Variants in KIAA0825 observed in about 807,000 individuals in gnomAD.
KIAA0825 encodes the protein uncharacterized protein KIAA0825.
Under a neutral mutation model 147.6 loss-of-function variants are expected in KIAA0825, and 119 were observed. The observed-to-expected ratio is 0.81, with a 90% confidence interval of 0.69 to 0.94. The LOEUF (loss-of-function observed/expected upper bound fraction) is 0.94, where lower values mean the gene tolerates loss of function less well. Ranked by LOEUF, KIAA0825 falls within the 40% of genes least tolerant of loss-of-function variation. The probability of loss-of-function intolerance (pLI) is 0.00; values close to 1 mark genes in which losing one functional copy is unlikely to be tolerated. For missense variants in KIAA0825, 1,381 were observed against 1,472.7 expected, an observed-to-expected ratio of 0.94 and a Z score of 1.02; for synonymous variants, 470 against 518.1, an observed-to-expected ratio of 0.91 and a Z score of 1.26.
chr5:94,413,205 C>T (rs535410845), intron 15 of KIAA0825: 2 of 152,272 alleles, frequency 1.3e-5, no homozygotes, highest in South Asian at 2.1e-4. Flanking sequence ...CCACTTTGGC[C>T]TCCCAAAGTG....
chr5:94,526,636 A>G (rs976533577), intron 3 of KIAA0825, among the ~76,000 whole-genome samples: 1 of 151,978 alleles, frequency 6.6e-6, no homozygotes, highest in Non-Finnish European at 1.5e-5. Context: ...TAAAAAAAAG[A>G]TATCTATGGT....
intron 20 of KIAA0825, among the ~76,000 whole-genome samples, chr5:94,288,462 C>T (rs1777749898): frequency 6.6e-6 from 1 of 152,090 alleles, no homozygotes; most frequent in African/African-American, 2.4e-5. Context: ...ACAGGCTGAA[C>T]AACATAGACA....
chr5:94,211,971 G>GAT (rs1772751006), intron 20 of KIAA0825, among the ~76,000 whole-genome samples: 1 of 152,178 alleles, frequency 6.6e-6, no homozygotes, highest in Admixed American at 6.5e-5. Flanking sequence ...GAGATTATCT[G>GAT]ATATATATGA....
intron 20 of KIAA0825, among the ~76,000 whole-genome samples, chr5:94,206,561 G>A (rs1054105356): frequency 2.6e-5 from 4 of 152,050 alleles, no homozygotes; most frequent in African/African-American, 7.2e-5. Context: ...TGTGCTCTGT[G>A]GGTTTTTCAA....
intron 20 of KIAA0825, among the ~76,000 whole-genome samples, chr5:94,256,118 T>C (rs13182291): frequency 0.3 from 46,323 of 151,880 alleles, 7,238 homozygotes; most frequent in South Asian, 0.42. Context: ...TCAAGGACCA[T>C]TGGGGTTGCT....
At chr5:94,313,289 G>A (rs1041668997) in intron 20 of KIAA0825, among the ~76,000 whole-genome samples, 1 of 151,612 alleles carries the variant, frequency 6.6e-6, no homozygotes, top group Admixed American at 6.6e-5. Flanking sequence ...TGCTTTCAGA[G>A]CTACATCTTA....
At chr5:94,543,988 G>A (rs1187370610) in intron 2 of KIAA0825, among the ~76,000 whole-genome samples, 1 of 152,142 alleles carries the variant, frequency 6.6e-6, no homozygotes, top group Non-Finnish European at 1.5e-5. Context: ...CAGCCCACGG[G>A]TCTGCTCTGT....
intron 20 of KIAA0825, among the ~76,000 whole-genome samples, chr5:94,220,673 A>G (rs1249044511): frequency 6.6e-6 from 1 of 151,652 alleles, no homozygotes; most frequent in Non-Finnish European, 1.5e-5. Flanking sequence ...TATGCTGTTA[A>G]TTGTTTACTG....
rs1277874295 is a variant in KIAA0825, at chr5:94,520,747, G to C, written c.471C>G (p.Val157=). The change falls in exon 5 of 21, where the codon GTC becomes GTG. Residue 157 remains valine, a synonymous_variant. Coordinates refer to ENST00000682413, the MANE Select transcript of KIAA0825 (RefSeq NM_001145678.3). ...HSVEDNSSMD[V]KSMWDDIRLH... ...GTCTTATATCATCCCACATAGACTTGACATCCATAGAGGAATTATCTTCAA... is the reference window on the plus strand; with the variant it reads ...GTCTTATATCATCCCACATAGACTTCACATCCATAGAGGAATTATCTTCAA... 6.2e-7 allele frequency: 1 copy of C among 1,613,298 alleles called. No individual in the cohort carries two copies. The highest frequency in any genetic ancestry group is 8.5e-7 in the Non-Finnish European group (1 of 1,179,418).
intron 20 of KIAA0825, among the ~76,000 whole-genome samples, chr5:94,301,346 AGT>A (rs1210070848): frequency 6.6e-6 from 1 of 151,436 alleles, no homozygotes; most frequent in Admixed American, 6.6e-5. Flanking sequence ...GAAAGTAATG[AGT>A]GTGAAAATTA....
chr5:94,519,751 A>C, intron 5 of KIAA0825: 1 of 826,044 alleles, frequency 1.2e-6, no homozygotes, highest in Non-Finnish European at 1.5e-6. Context: ...ACAAATTTTC[A>C]AAAATTCTTT....
At chr5:94,226,941 T>G (rs1467863321) in intron 20 of KIAA0825, among the ~76,000 whole-genome samples, 1 of 152,192 alleles carries the variant, frequency 6.6e-6, no homozygotes, top group African/African-American at 2.4e-5. Flanking sequence ...ACTTTTACAT[T>G]GTTGGTGGGA....
intron 6 of KIAA0825, among the ~76,000 whole-genome samples, chr5:94,483,876 T>G (rs1368663881): frequency 1.3e-5 from 2 of 151,646 alleles, no homozygotes; most frequent in Non-Finnish European, 3.0e-5. Flanking sequence ...GGGGATTAAA[T>G]TTTTCAGACT....
chr5:94,280,035 C>T (rs1479181305), intron 20 of KIAA0825, among the ~76,000 whole-genome samples: 2 of 152,056 alleles, frequency 1.3e-5, no homozygotes, highest in East Asian at 3.9e-4. Context: ...TCAGTCGGCA[C>T]AGCCACACTC....
At chr5:94,237,971 T>A (rs1428100583) in intron 20 of KIAA0825, among the ~76,000 whole-genome samples, 1 of 152,156 alleles carries the variant, frequency 6.6e-6, no homozygotes, top group Non-Finnish European at 1.5e-5. Flanking sequence ...TGTCTGAAAC[T>A]CATGAAAAGT....
intron 20 of KIAA0825, among the ~76,000 whole-genome samples, chr5:94,326,198 A>T (rs1780678236): frequency 6.6e-6 from 1 of 152,138 alleles, no homozygotes; most frequent in Non-Finnish European, 1.5e-5. Context: ...GTTCTGTCTC[A>T]ATAAAAAATC....
intron 20 of KIAA0825, among the ~76,000 whole-genome samples, chr5:94,292,354 A>G (rs1407710881): frequency 6.6e-6 from 1 of 151,404 alleles, no homozygotes; most frequent in Non-Finnish European, 1.5e-5. Context: ...TTTCTGCATC[A>G]TTGAGATAAT....
At chr5:94,536,736 A>C (rs1772104062) in intron 3 of KIAA0825, among the ~76,000 whole-genome samples, 1 of 152,236 alleles carries the variant, frequency 6.6e-6, no homozygotes, top group Non-Finnish European at 1.5e-5. Flanking sequence ...ACAAGCTCTA[A>C]GAAAACATTA....
intron 20 of KIAA0825, among the ~76,000 whole-genome samples, chr5:94,380,199 A>G (rs954369959): frequency 1.3e-5 from 2 of 152,174 alleles, no homozygotes; most frequent in Non-Finnish European, 2.9e-5. Flanking sequence ...TTTTAAACAT[A>G]CAGAGCTTAA....
Sources: allele counts gnomAD v4.1 joint callset (sites outside exome capture counted in the v4.1 genomes callset), GRCh38; gene constraint gnomAD v4.1.1; transcripts MANE v1.5; gene names NCBI Gene and HGNC (gene_info 2026-07-23, HGNC 2026-07-21).